OSBPL2: variants seen among roughly 807,000 people sequenced by gnomAD.
The protein encoded by OSBPL2 is oxysterol-binding protein-related protein 2.
Under a neutral mutation model 58.4 loss-of-function variants are expected in OSBPL2, and 18 were observed. The observed-to-expected ratio is 0.31, with a 90% CI of 0.21 to 0.46. The LOEUF (loss-of-function observed/expected upper bound fraction) is 0.46. Among genes scored for constraint, OSBPL2 ranks in the 20% least tolerant of loss-of-function variants. The pLI is 1.00. For synonymous variants in OSBPL2, 221 were observed against 234.1 expected (o/e 0.94, Z 0.51); for missense variants, 461 against 616.5 (o/e 0.75, Z 2.67).
intron 4 of OSBPL2, 122 bp downstream of exon 4, chr20:62,263,813 C>T (rs1419933715): frequency 1.2e-6 from 1 of 833,790 alleles, no homozygotes; most frequent in East Asian, 2.6e-5. Context: ...CGCCTATAAT[C>T]TCAGCACTTT....
At chr20:62,245,135 G>C (rs1455067359) in intron 1 of OSBPL2, among the ~76,000 whole-genome samples, 6 of 149,386 alleles carry the variant, frequency 4.0e-5, no homozygotes, top group Non-Finnish European at 5.9e-5. Context: ...TCTTGCCTCT[G>C]TCGCCCAGGC....
At chr20:62,256,749 A>G (rs1407123218) in intron 2 of OSBPL2, among the ~76,000 whole-genome samples, 1 of 152,214 alleles carries the variant, frequency 6.6e-6, no homozygotes, top group East Asian at 1.9e-4. Context: ...GAAAATGAAG[A>G]CCGTGTTGCA....
At chr20:62,280,389 C>G (rs1982703510) in intron 7 of OSBPL2, among the ~76,000 whole-genome samples, 1 of 152,150 alleles carries the variant, frequency 6.6e-6, no homozygotes, top group Non-Finnish European at 1.5e-5. Flanking sequence ...TGAGAAGTTG[C>G]ACACCTTGCT....
At chr20:62,274,782 C>T (rs573629105) in intron 6 of OSBPL2, among the ~76,000 whole-genome samples, 2 of 152,342 alleles carry the variant, frequency 1.3e-5, no homozygotes, top group African/African-American at 4.8e-5. Context: ...AGCTGTTTGC[C>T]ACAGGCTGCT....
chr20:62,243,913 C>T (rs573070965), intron 1 of OSBPL2, among the ~76,000 whole-genome samples: 49 of 151,640 alleles, frequency 3.2e-4, no homozygotes, highest in African/African-American at 1.1e-3. Flanking sequence ...TTTCCCTGAC[C>T]TTGGTTTGAA....
chr20:62,257,410 CAATTTCGAAGTCATTTTCCAT>C (rs1420821598), intron 2 of OSBPL2, among the ~76,000 whole-genome samples: 2 of 152,216 alleles, frequency 1.3e-5, no homozygotes, highest in African/African-American at 4.8e-5. Flanking sequence ...TTCAAAGGCT[CAATTTCGAAGTCATTTTCCAT>C]GATTTCGTAG....
intron 1 of OSBPL2, among the ~76,000 whole-genome samples, chr20:62,244,329 C>G (rs1173865524): frequency 6.6e-6 from 1 of 152,254 alleles, no homozygotes; most frequent in Non-Finnish European, 1.5e-5. Context: ...AGGCTGGGCT[C>G]CTCTCGGGGC....
In OSBPL2 at chr20:62,290,550, T is replaced by C. The variant is rs1983437625; in HGVS notation, c.1250-1153T>C. On this transcript the variant is annotated intron_variant, in intron 12 of 13. Transcript: ENST00000313733. The stretch of plus-strand genomic sequence containing the variant: ...TCCTGCCTCAGCCTCCCCGAGTAGC[T>C]GGGACTACAGGTGCCCCTGCCACCA... Among the ~76,000 whole-genome samples, 2 of 150,350 alleles carry C rather than the reference T, an allele frequency of 1.3e-5. 1 individual carries two copies. The highest frequency in any genetic ancestry group is 4.2e-4 in the South Asian group (2 of 4,754).
intron 11 of OSBPL2, among the ~76,000 whole-genome samples, chr20:62,286,920 G>A (rs1162289420): frequency 6.6e-6 from 1 of 152,256 alleles, no homozygotes; most frequent in Non-Finnish European, 1.5e-5. Context: ...GTCTGCCTTG[G>A]GGCCTGCTGT....
chr20:62,282,413 G>T (rs200444767), intron 9 of OSBPL2, among the ~76,000 whole-genome samples: 5 of 152,142 alleles, frequency 3.3e-5, no homozygotes, highest in Admixed American at 6.6e-5. Flanking sequence ...CCCCATTTGG[G>T]TTAATTACTT....
chr20:62,242,293 T>C (rs1979785019), intron 1 of OSBPL2: 1 of 152,250 alleles, frequency 6.6e-6, no homozygotes, highest in African/African-American at 2.4e-5. Flanking sequence ...GCGTGAACTT[T>C]TTGGCACTTC....
chr20:62,245,742 G>C (rs944884), intron 1 of OSBPL2, among the ~76,000 whole-genome samples: 146,410 of 152,210 alleles, frequency 0.96, 70,472 homozygotes, highest in South Asian at 0.99. Flanking sequence ...GTGACGGGCT[G>C]CAGATGGTGA....
intron 6 of OSBPL2, among the ~76,000 whole-genome samples, chr20:62,273,856 T>C (rs1051618274): frequency 8.5e-5 from 13 of 152,182 alleles, no homozygotes; most frequent in African/African-American, 3.1e-4. Flanking sequence ...GGAGCTTCAC[T>C]CCCAAGGCCA....
chr20:62,245,044 G>A (rs1433801770), intron 1 of OSBPL2, among the ~76,000 whole-genome samples: 1 of 152,170 alleles, frequency 6.6e-6, no homozygotes, highest in Non-Finnish European at 1.5e-5. Context: ...CCGAGTCAGG[G>A]TTGAGCCATT....
intron 2 of OSBPL2, among the ~76,000 whole-genome samples, chr20:62,257,313 C>T (rs1336865983): frequency 6.6e-6 from 1 of 152,214 alleles, no homozygotes; most frequent in Non-Finnish European, 1.5e-5. Context: ...GGCTGTGCTG[C>T]TCCTGTACCT....
In OSBPL2 at chr20:62,284,033, C is replaced by G. The variant is rs1183209817; in HGVS notation, c.873-13C>G. 3 of 1,607,312 alleles carry G rather than the reference C, an allele frequency of 1.9e-6. No individual in the cohort carries two copies. Among genetic ancestry groups the G allele is most frequent in the Non-Finnish European group, 2.6e-6 (3 of 1,175,516 alleles). ...GACTAAGACTTGTCTTTAAAAATCC[C>G]ATTTAATTACAGCAAAAAGAAGCTC... On this transcript the variant is annotated splice_polypyrimidine_tract_variant and intron_variant, in intron 9 of 13. Coordinates refer to ENST00000313733, the MANE Select transcript of OSBPL2 (RefSeq NM_144498.4).
intron 1 of OSBPL2, among the ~76,000 whole-genome samples, chr20:62,243,659 T>G (rs1359601448): frequency 6.6e-6 from 1 of 152,082 alleles, no homozygotes; most frequent in African/African-American, 2.4e-5. Flanking sequence ...AAGAGATGTG[T>G]TTAACAAGCT....
intron 1 of OSBPL2, among the ~76,000 whole-genome samples, chr20:62,246,844 C>G (rs1336591331): frequency 1.3e-5 from 2 of 152,352 alleles, no homozygotes; most frequent in East Asian, 3.9e-4. Context: ...CAGCCTTGAT[C>G]CGGGAGACCT....
intron 7 of OSBPL2, chr20:62,279,836 G>C (rs369724751): frequency 2.0e-5 from 11 of 549,240 alleles, no homozygotes; most frequent in Non-Finnish European, 2.3e-5. Context: ...CCTCCCACAG[G>C]GGGAGAGAGC....
Sources: gnomAD v4.1 joint callset for allele counts (sites outside exome capture counted in the v4.1 genomes callset) on GRCh38, gnomAD v4.1.1 for gene constraint, MANE v1.5 for transcripts, NCBI Gene and HGNC (gene_info 2026-07-23, HGNC 2026-07-21) for gene names.